MBNL1: variants seen among roughly 807,000 people sequenced by gnomAD.
MBNL1 encodes muscleblind-like protein 1.
In MBNL1, 8 loss-of-function variants were observed where a neutral mutation model predicts 42.2. The ratio of observed to expected loss-of-function variants is 0.19; its 90% CI spans 0.11 to 0.34. The LOEUF is 0.34. Ranked by LOEUF, MBNL1 falls within the 10% of genes least tolerant of loss-of-function variation. MBNL1 has a pLI of 1.00. For synonymous variants in MBNL1, 169 were observed against 173.9 expected, an observed-to-expected ratio of 0.97 and a Z score of 0.22; for missense variants, 309 against 495.3, an observed-to-expected ratio of 0.62 and a Z score of 3.57.
chr3:152,413,846 TG>T (rs1181349700), intron 2 of MBNL1, among the ~76,000 whole-genome samples: 1 of 152,224 alleles, frequency 6.6e-6, no homozygotes, highest in Non-Finnish European at 1.5e-5. Flanking sequence ...TGAAATAATA[TG>T]GGTAGAGTGC....
chr3:152,328,903 A>C (rs2082212459), intron 2 of MBNL1, among the ~76,000 whole-genome samples: 1 of 152,336 alleles, frequency 6.6e-6, no homozygotes, highest in African/African-American at 2.4e-5. Flanking sequence ...AAAGTTTGCT[A>C]ATACATAAAT....
chr3:152,409,936 A>T (rs187144185), intron 2 of MBNL1, among the ~76,000 whole-genome samples: 1 of 152,252 alleles, frequency 6.6e-6, no homozygotes, highest in East Asian at 1.9e-4. Flanking sequence ...CCAACTTCTA[A>T]TCGTTTTGTT....
At chr3:152,422,791 A>G (rs2098828579) in intron 3 of MBNL1, among the ~76,000 whole-genome samples, 1 of 152,188 alleles carries the variant, frequency 6.6e-6, no homozygotes, top group African/African-American at 2.4e-5. Flanking sequence ...GGATTAAGAA[A>G]CTCACTCAAA....
At chr3:152,449,345 T>C (rs1717032318) in intron 6 of MBNL1, 1 of 152,238 alleles carries the variant, frequency 6.6e-6, no homozygotes, top group Non-Finnish European at 1.5e-5. Flanking sequence ...CTCGTTCTAC[T>C]CATTGCTGTC....
At chr3:152,255,261 A>G (rs1248521073) in intron 2 of MBNL1, among the ~76,000 whole-genome samples, 1 of 152,160 alleles carries the variant, frequency 6.6e-6, no homozygotes, top group Non-Finnish European at 1.5e-5. Context: ...AAATTGTTTC[A>G]TTAGGTGGAG....
intron 2 of MBNL1, among the ~76,000 whole-genome samples, chr3:152,256,935 GTGT>G (rs1212030057): frequency 6.6e-6 from 1 of 152,116 alleles, no homozygotes; most frequent in African/African-American, 2.4e-5. Context: ...GCAGTTGGAT[GTGT>G]TGTTGTAGGA....
intron 4 of MBNL1, among the ~76,000 whole-genome samples, chr3:152,435,257 T>C (rs1440352997): frequency 6.6e-6 from 1 of 152,208 alleles, no homozygotes; most frequent in Non-Finnish European, 1.5e-5. Flanking sequence ...CTTCTGTGTA[T>C]GGCTAGCCAG....
At chr3:152,446,822 A>T (rs1373774863) in intron 5 of MBNL1, 17 of 1,267,754 alleles carry the variant, frequency 1.3e-5, no homozygotes, top group Non-Finnish European at 1.6e-5. Context: ...TTTTTTTTTT[A>T]AATCAACTTT....
At position 152,328,457 on chromosome 3, in the gene MBNL1, A is replaced by G. The variant is rs554648039; in HGVS notation, c.174+28090A>G. Reference sequence around the variant, plus strand: ...AACATCTTCTGAGATGTTTTCTCTAAAGCAGAAACTCAGCTTTTACTCATG... The same window carrying G: ...AACATCTTCTGAGATGTTTTCTCTAGAGCAGAAACTCAGCTTTTACTCATG... On this transcript the variant is annotated intron_variant, in intron 2 of 9. Transcript: ENST00000324210. Among the ~76,000 whole-genome samples, 6 of 152,220 alleles carry G rather than the reference A, an allele frequency of 3.9e-5. No individual in the cohort carries two copies. In the South Asian group the frequency reaches 1.2e-3, roughly 32 times the overall value.
upstream of MBNL1, chr3:152,265,439 A>C (rs1054344866): frequency 6.6e-6 from 1 of 150,880 alleles, no homozygotes; most frequent in African/African-American, 2.5e-5. Flanking sequence ...AAGACAAGTT[A>C]TATTGCAGAG....
intron 4 of MBNL1, among the ~76,000 whole-genome samples, chr3:152,438,242 T>A (rs1236420344): frequency 6.6e-6 from 1 of 152,184 alleles, no homozygotes; most frequent in African/African-American, 2.4e-5. Context: ...GTAGAAGATG[T>A]GAGAAATGTC....
At position 152,465,391 on chromosome 3, in the gene MBNL1, C is replaced by T. The variant is rs1413788475; in HGVS notation, c.*3025C>T. 6.6e-6 allele frequency: 1 copy of T among 152,560 alleles called. No homozygotes were observed. Among genetic ancestry groups the T allele is most frequent in the Non-Finnish European group, 1.5e-5 (1 of 68,030 alleles). 9.5% of individuals were successfully genotyped at this position (152,560 alleles called of 1,614,324 possible). On this transcript the variant is annotated 3_prime_UTR_variant, in exon 10 of 10. Coordinates refer to ENST00000324210, the MANE Select transcript of MBNL1 (RefSeq NM_021038.5). Reference sequence around the variant, plus strand: ...TTGTTATGTGATTGTTTTTTAATTGCTGTAGGATCCTGTTCTTTCAGCAGG... The same window carrying T: ...TTGTTATGTGATTGTTTTTTAATTGTTGTAGGATCCTGTTCTTTCAGCAGG...
intron 2 of MBNL1, among the ~76,000 whole-genome samples, chr3:152,317,954 A>G (rs970249057): frequency 3.3e-5 from 5 of 152,242 alleles, no homozygotes; most frequent in African/African-American, 4.8e-5. Flanking sequence ...AGATTAGCCT[A>G]TGTGAATATA....
At chr3:152,455,650 A>C (rs1330469020) in intron 7 of MBNL1, 73 bp downstream of exon 7, 3 of 1,320,424 alleles carry the variant, frequency 2.3e-6, no homozygotes, top group Non-Finnish European at 3.3e-6. Context: ...ATCCACTGCT[A>C]AGTTTAACTT....
chr3:152,389,539 C>T lies in MBNL1; in HGVS notation c.175-25402C>T, dbSNP rs143764907. On this transcript the variant is annotated intron_variant, in intron 2 of 9. Transcript: ENST00000324210. ...CATATCCAGGCTATGTGGTTATAGCCTATTGCTTCTAGGCTGGAAACCTGT... is the reference window on the plus strand; with the variant it reads ...CATATCCAGGCTATGTGGTTATAGCTTATTGCTTCTAGGCTGGAAACCTGT... Among the ~76,000 whole-genome samples, 30 of 152,276 alleles carry T rather than the reference C, an allele frequency of 2.0e-4. No homozygotes were observed. In the East Asian group the frequency reaches 5.6e-3, roughly 28 times the overall value.
chr3:152,278,449 A>G (rs1412523598), intron 1 of MBNL1, among the ~76,000 whole-genome samples: 1 of 152,168 alleles, frequency 6.6e-6, no homozygotes, highest in Non-Finnish European at 1.5e-5. Flanking sequence ...GCCTAACAAT[A>G]GAAAAATATA....
chr3:152,405,658 A>C (rs1266791037), intron 2 of MBNL1, among the ~76,000 whole-genome samples: 1 of 152,172 alleles, frequency 6.6e-6, no homozygotes, highest in African/African-American at 2.4e-5. Context: ...CATTTGACTT[A>C]AGAAGTTTAC....
chr3:152,375,334 A>T (rs2096851871), intron 2 of MBNL1, among the ~76,000 whole-genome samples: 1 of 152,228 alleles, frequency 6.6e-6, no homozygotes. Flanking sequence ...TCATAAATGC[A>T]CTGCAATCTG....
chr3:152,256,811 C>T (rs181718220), intron 2 of MBNL1, among the ~76,000 whole-genome samples: 1 of 152,224 alleles, frequency 6.6e-6, no homozygotes, highest in Non-Finnish European at 1.5e-5. Context: ...AAGTTAATAA[C>T]AACAAGTATA....
Sources: gnomAD v4.1 joint callset for allele counts (sites outside exome capture counted in the v4.1 genomes callset) on GRCh38, gnomAD v4.1.1 for gene constraint, MANE v1.5 for transcripts, NCBI Gene and HGNC (gene_info 2026-07-23, HGNC 2026-07-21) for gene names.